The following RORB variants were observed in gnomAD, a reference collection of about 807,000 sequenced individuals.
RORB encodes nuclear receptor ROR-beta.
RORB carries 6 observed loss-of-function variants against 59.1 expected under a neutral mutation model. That is an observed-to-expected ratio of 0.10 (90% confidence interval 0.06 to 0.20). The LOEUF (loss-of-function observed/expected upper bound fraction) is 0.20. Among genes scored for constraint, RORB ranks in the 10% least tolerant of loss-of-function variants. RORB has a pLI of 1.00. For synonymous variants in RORB, 215 were observed against 204.5 expected (o/e 1.05, Z -0.44); for missense variants, 320 against 560.5 (o/e 0.57, Z 4.33).
At chr9:74,649,783 C>T (rs1823963103) in intron 4 of RORB, among the ~76,000 whole-genome samples, 1 of 152,196 alleles carries the variant, frequency 6.6e-6, no homozygotes, top group South Asian at 2.1e-4. Context: ...TATCTACTTA[C>T]AGTACATGTG....
chr9:74,590,822 C>T (rs900523029), intron 1 of RORB, among the ~76,000 whole-genome samples: 2 of 152,076 alleles, frequency 1.3e-5, no homozygotes, highest in African/African-American at 2.4e-5. Flanking sequence ...GACAGAGTCT[C>T]GTTCTGTCAC....
At chr9:74,624,695 G>A (rs1418644195) in intron 1 of RORB, among the ~76,000 whole-genome samples, 1 of 152,218 alleles carries the variant, frequency 6.6e-6, no homozygotes, top group African/African-American at 2.4e-5. Context: ...GCCAGTGAGA[G>A]AGGGAAAGAG....
At chr9:74,612,632 C>G (rs995021807) in intron 1 of RORB, among the ~76,000 whole-genome samples, 4 of 152,066 alleles carry the variant, frequency 2.6e-5, no homozygotes, top group African/African-American at 9.7e-5. Flanking sequence ...GTTGCGAGAG[C>G]GGGAGCTGGA....
At chr9:74,538,791 A>G (rs1376458978) in intron 1 of RORB, among the ~76,000 whole-genome samples, 1 of 151,974 alleles carries the variant, frequency 6.6e-6, no homozygotes. Context: ...TTCCAGTCAT[A>G]ATTAAGAGCA....
chr9:74,684,053 C>T (rs1031043105), intron 9 of RORB, among the ~76,000 whole-genome samples: 2 of 152,134 alleles, frequency 1.3e-5, no homozygotes, highest in Admixed American at 1.3e-4. Context: ...CTTTAAATAG[C>T]AGTGGAGATG....
chr9:74,667,127 A>G (rs1048062514), intron 7 of RORB, among the ~76,000 whole-genome samples: 4 of 152,256 alleles, frequency 2.6e-5, no homozygotes, highest in African/African-American at 9.6e-5. Context: ...AGCTTCATCA[A>G]ATAAACATTC....
chr9:74,636,509 G>C (rs1823705612), intron 3 of RORB, among the ~76,000 whole-genome samples: 1 of 152,138 alleles, frequency 6.6e-6, no homozygotes, highest in Non-Finnish European at 1.5e-5. Context: ...TAACATAAAA[G>C]AAATGTGTCG....
chr9:74,593,563 G>A (rs752987644), intron 1 of RORB, among the ~76,000 whole-genome samples: 3 of 151,592 alleles, frequency 2.0e-5, no homozygotes, highest in African/African-American at 2.4e-5. Context: ...CTTCCATGAT[G>A]TAAAATCAGG....
Position 74,671,795 on chromosome 9 carries a change from C to T in RORB, c.1118C>T (p.Ala373Val). The T allele has an allele frequency of 6.2e-7, 1 of 1,608,236 alleles. No individual in the cohort carries two copies. The highest frequency in any genetic ancestry group is 1.1e-5 in the South Asian group (1 of 90,464). The change falls in exon 9 of 10, where the codon GCC becomes GTC. Residue 373 changes from alanine to valine, a missense_variant. By Grantham distance (64) the Ala-to-Val change is moderately conservative. Coordinates refer to ENST00000376896, the MANE Select transcript of RORB (RefSeq NM_006914.4). Reference protein sequence around the residue: ...SSAVLISPDRAWLIEPRKVQK... With the variant: ...SSAVLISPDRVWLIEPRKVQK... ...CCACTCTTTCTTTCATCAGACCGAGCCTGGCTTATAGAACCAAGGAAAGTC... is the reference window on the plus strand; with the variant it reads ...CCACTCTTTCTTTCATCAGACCGAGTCTGGCTTATAGAACCAAGGAAAGTC...
intron 1 of RORB, among the ~76,000 whole-genome samples, chr9:74,519,849 G>T (rs930495642): frequency 1.3e-5 from 2 of 151,944 alleles, no homozygotes; most frequent in Non-Finnish European, 2.9e-5. Context: ...TTAAAAACAT[G>T]CCTGACAAGC....
At chr9:74,525,989 A>C (rs558320041) in intron 1 of RORB, among the ~76,000 whole-genome samples, 3 of 152,110 alleles carry the variant, frequency 2.0e-5, no homozygotes, top group East Asian at 3.9e-4. Context: ...CACTTTAAGA[A>C]AAAATTGTTT....
intron 4 of RORB, among the ~76,000 whole-genome samples, chr9:74,658,589 G>T (rs1824128618): frequency 6.6e-6 from 1 of 152,096 alleles, no homozygotes; most frequent in Non-Finnish European, 1.5e-5. Flanking sequence ...CAACAAATCA[G>T]CATGTCTTTG....
intron 9 of RORB, among the ~76,000 whole-genome samples, chr9:74,675,615 T>C (rs1051083148): frequency 6.6e-6 from 1 of 152,194 alleles, no homozygotes; most frequent in Non-Finnish European, 1.5e-5. Flanking sequence ...TTTTGCCAAG[T>C]CTTATGGATC....
chr9:74,656,261 G>C (rs997410822), intron 4 of RORB, among the ~76,000 whole-genome samples: 1 of 152,106 alleles, frequency 6.6e-6, no homozygotes, highest in Non-Finnish European at 1.5e-5. Flanking sequence ...TGCCACATCT[G>C]CTGGTCCCAT....
chr9:74,637,977 A>G (rs1263776237), intron 3 of RORB, among the ~76,000 whole-genome samples: 1 of 152,120 alleles, frequency 6.6e-6, no homozygotes, highest in Non-Finnish European at 1.5e-5. Context: ...GAAGAGAGAG[A>G]TTTTAAAATA....
intron 9 of RORB, among the ~76,000 whole-genome samples, chr9:74,677,222 A>T (rs950510052): frequency 6.6e-6 from 1 of 152,192 alleles, no homozygotes; most frequent in Non-Finnish European, 1.5e-5. Flanking sequence ...CACCCATCCC[A>T]TTCCAATAAG....
intron 9 of RORB, among the ~76,000 whole-genome samples, chr9:74,672,877 C>G (rs1464934484): frequency 6.6e-6 from 1 of 152,034 alleles, no homozygotes; most frequent in Non-Finnish European, 1.5e-5. Flanking sequence ...TCATTAAAAC[C>G]TTCCCACTCT....
At chr9:74,504,966 A>G (rs372220655) in intron 1 of RORB, among the ~76,000 whole-genome samples, 3 of 152,216 alleles carry the variant, frequency 2.0e-5, no homozygotes, top group Middle Eastern at 3.4e-3. Flanking sequence ...TCACTAGATT[A>G]TGTTGTAATC....
At chr9:74,646,053 A>T (rs977716979) in intron 4 of RORB, among the ~76,000 whole-genome samples, 2 of 152,156 alleles carry the variant, frequency 1.3e-5, no homozygotes, top group Admixed American at 6.6e-5. Flanking sequence ...TGCCATAGAA[A>T]AAAACCCTAT....
Sources: gnomAD v4.1 joint callset for allele counts (sites outside exome capture counted in the v4.1 genomes callset) on GRCh38, gnomAD v4.1.1 for gene constraint, MANE v1.5 for transcripts, NCBI Gene and HGNC (gene_info 2026-07-23, HGNC 2026-07-21) for gene names.